The following VWA5B1 variants were observed in gnomAD, a reference collection of about 807,000 sequenced individuals.
VWA5B1 encodes the protein von Willebrand factor A domain-containing protein 5B1.
In VWA5B1, 115 loss-of-function variants were observed where a neutral mutation model predicts 118.2. The observed-to-expected ratio is 0.97, with a 90% CI of 0.84 to 1.14. The LOEUF (loss-of-function observed/expected upper bound fraction) is 1.14, where lower values mean the gene tolerates loss of function less well. Ranked by LOEUF, VWA5B1 falls within the 50% of genes most tolerant of loss-of-function variation. The pLI is 0.00. For missense variants in VWA5B1, 1,596 were observed against 1,603.8 expected, an observed-to-expected ratio of 1.00 and a Z score of 0.08; for synonymous variants, 682 against 658.4, an observed-to-expected ratio of 1.04 and a Z score of -0.55.
chr1:20,311,065 C>T (rs148959410), intron 2 of VWA5B1, among the ~76,000 whole-genome samples: 6 of 152,302 alleles, frequency 3.9e-5, no homozygotes, highest in Admixed American at 2.0e-4. Flanking sequence ...CTCCACCTCC[C>T]GGGCTCAAGA....
chr1:20,350,331 A>G lies in VWA5B1; in HGVS notation c.2953+101A>G, dbSNP rs561977880. On this transcript the variant is annotated intron_variant, in intron 19 of 21. Coordinates refer to ENST00000289815, the MANE Select transcript of VWA5B1 (RefSeq NM_001039500.3). ...GCACCGACAAAGTCCTCAGGGCTTC[A>G]TGGAGTCCTCAAAGCAGCCGTCTGC... is the stretch of plus-strand genomic sequence containing the variant. 2.2e-4 allele frequency: 289 copies of G among 1,327,822 alleles called. 4 individuals carry two copies. In the South Asian group the frequency reaches 3.2e-3, roughly 15 times the overall value. The allele number at this position is 1,327,822 out of a possible 1,614,324, so 82.3% of individuals were successfully genotyped here.
At chr1:20,307,241 T>C (rs1287635928) in intron 1 of VWA5B1, among the ~76,000 whole-genome samples, 1 of 152,196 alleles carries the variant, frequency 6.6e-6, no homozygotes, top group African/African-American at 2.4e-5. Flanking sequence ...GACCCGGAGA[T>C]GCCATGGCCT....
At chr1:20,338,380 C>T (rs935722046) in intron 14 of VWA5B1, 9 of 295,586 alleles carry the variant, frequency 3.0e-5, no homozygotes, top group South Asian at 1.6e-4. Context: ...GACAGAGTCT[C>T]GCTCTGTTGC....
chr1:20,319,481 A>C lies in VWA5B1; in HGVS notation c.941A>C (p.Lys314Thr). ...AGAACAGATTTCATTAAAGGGATGA[A>C]GAAGAAGAGCAGAGCAGAGCGGAAG... ...KGRTDFIKGM[K>T]KKSRAERKTE... The change falls in exon 7 of 22, where the codon AAG becomes ACG. Residue 314 changes from lysine (K) to threonine (T), a missense_variant. Transcript: ENST00000289815. 1 of 1,551,736 alleles carries C rather than the reference A, an allele frequency of 6.4e-7. No homozygotes were observed. The highest frequency in any genetic ancestry group is 8.7e-7 in the Non-Finnish European group (1 of 1,147,000).
intron 1 of VWA5B1, among the ~76,000 whole-genome samples, chr1:20,309,907 CTGTG>C (rs59044353): frequency 0.087 from 7,390 of 85,292 alleles, 426 homozygotes; most frequent in African/African-American, 0.16. Flanking sequence ...GATGGATTGG[CTGTG>C]TGTGTGTGTG....
chr1:20,338,061 G>A, intron 14 of VWA5B1: 1 of 685,618 alleles, frequency 1.5e-6, no homozygotes, highest in South Asian at 1.5e-5. Context: ...CACACACACT[G>A]CCCAGTTGGC....
intron 17 of VWA5B1, 88 bp from the exon 18 acceptor site, chr1:20,348,157 C>T: frequency 8.1e-7 from 1 of 1,228,500 alleles, no homozygotes; most frequent in Non-Finnish European, 1.2e-6. Context: ...AAGATTGAAG[C>T]CAGAATCATT....
intron 14 of VWA5B1, among the ~76,000 whole-genome samples, chr1:20,339,523 CAGAG>C (rs1318220680): frequency 6.6e-6 from 1 of 152,118 alleles, no homozygotes; most frequent in African/African-American, 2.4e-5. Flanking sequence ...GCCTGGGAGA[CAGAG>C]AGAGAGATCC....
Position 20,331,001 on chromosome 1 carries a change from C to T in VWA5B1, c.1572+18C>T, listed in dbSNP as rs778922227. 5.9e-5 allele frequency: 91 copies of T among 1,530,052 alleles called. No individual in the cohort carries two copies. The highest frequency in any genetic ancestry group is 1.8e-4 in the Middle Eastern group (1 of 5,712). The allele number at this position is 1,530,052 out of a possible 1,614,324, so 94.8% of individuals were successfully genotyped here. On this transcript the variant is annotated intron_variant, in intron 11 of 21. Coordinates refer to ENST00000289815, the MANE Select transcript of VWA5B1 (RefSeq NM_001039500.3). ...AACCCAAGGTAGGCAGCAGAACCCACGCAGTCCCTTCTGGTGCTGGAACCT... is the reference window on the plus strand; with the variant it reads ...AACCCAAGGTAGGCAGCAGAACCCATGCAGTCCCTTCTGGTGCTGGAACCT...
At chr1:20,325,234 C>T (rs1454202972) in intron 8 of VWA5B1, among the ~76,000 whole-genome samples, 1 of 152,194 alleles carries the variant, frequency 6.6e-6, no homozygotes, top group African/African-American at 2.4e-5. Flanking sequence ...CTAAAAAATT[C>T]TCTTCTCTGA....
chr1:20,339,621 G>A (rs1435502745), intron 14 of VWA5B1, among the ~76,000 whole-genome samples: 1 of 152,122 alleles, frequency 6.6e-6, no homozygotes, highest in Admixed American at 6.5e-5. Context: ...TTCCATAAAA[G>A]CAGTCTTTTC....
Position 20,332,827 on chromosome 1 carries a change from T to A in VWA5B1, c.1634T>A (p.Ile545Asn), listed in dbSNP as rs1233767447. 6.4e-7 allele frequency: 1 copy of A among 1,551,776 alleles called. No homozygotes were observed. Among genetic ancestry groups the A allele is most frequent in the South Asian group, 1.2e-5 (1 of 84,062 alleles). The part of the protein sequence containing the change: ...PVLSDVTVEW[I>N]FPETTEVLVS... ...CTGAGCGATGTGACTGTGGAGTGGATCTTCCCTGAGACCACTGAGGTCCTG... is the reference window on the plus strand; with the variant it reads ...CTGAGCGATGTGACTGTGGAGTGGAACTTCCCTGAGACCACTGAGGTCCTG... The change falls in exon 12 of 22, where the codon ATC becomes AAC. Residue 545 changes from isoleucine to asparagine, a missense_variant. Transcript: ENST00000289815.
rs1466011356 is a variant in VWA5B1 at position 20,350,853 on chromosome 1, C to T, written c.2954-4C>T. The T allele has an allele frequency of 1.9e-6, 3 of 1,551,806 alleles. No individual in the cohort carries two copies. Among genetic ancestry groups the T allele is most frequent in the East Asian group, 4.9e-5 (2 of 40,926 alleles). On this transcript the variant is annotated splice_polypyrimidine_tract_variant and splice_region_variant and intron_variant, in intron 19 of 21. Coordinates refer to ENST00000289815, the MANE Select transcript of VWA5B1 (RefSeq NM_001039500.3). ...CTCAACTTGGTCATTCTGTGGCTCT[C>T]CAGGTCCCCAGCGCAGCCTGGCTAC...
intron 7 of VWA5B1, among the ~76,000 whole-genome samples, chr1:20,322,943 G>A (rs1020248616): frequency 1.3e-5 from 2 of 152,168 alleles, no homozygotes; most frequent in African/African-American, 2.4e-5. Flanking sequence ...ATGAGCCAGA[G>A]AGCAGTATAC....
In VWA5B1 at chr1:20,357,011, C is replaced by A. The variant is rs907410206; in HGVS notation, c.*2748C>A. Among the ~76,000 whole-genome samples the A allele has an allele frequency of 6.6e-6, 1 of 152,230 alleles. No individual in the cohort carries two copies. Among genetic ancestry groups the A allele is most frequent in the African/African-American group, 2.4e-5 (1 of 41,452 alleles). ...TCAAGCAGGGAACACATTGCCCCTG[C>A]AATCTCATTTACTTTGGGTTAATCT... On this transcript the variant is annotated 3_prime_UTR_variant, in exon 22 of 22. Coordinates refer to ENST00000289815, the MANE Select transcript of VWA5B1 (RefSeq NM_001039500.3).
chr1:20,337,687 C>T lies in VWA5B1; in HGVS notation c.1984C>T (p.Gln662Ter). 1 of 1,551,700 alleles carries T rather than the reference C, an allele frequency of 6.4e-7. No individual in the cohort carries two copies. Among genetic ancestry groups the T allele is most frequent in the South Asian group, 1.2e-5 (1 of 84,052 alleles). ...GCGACGGAGGGCATACAGCACCAAC[C>T]AGATCACCAATCACAAGCCCCTCCC... is the stretch of plus-strand genomic sequence containing the variant. ...SQRRRAYSTN[Q>*]ITNHKPLPRA... Residue 662 changes from glutamine to a stop codon, truncating the protein, a stop_gained, in exon 14 of 22, where the codon CAG becomes TAG. Coordinates refer to ENST00000289815, the MANE Select transcript of VWA5B1 (RefSeq NM_001039500.3). LOFTEE classifies it high-confidence loss of function.
At chr1:20,346,459 A>AT (rs2090010688) in intron 17 of VWA5B1, among the ~76,000 whole-genome samples, 1 of 152,174 alleles carries the variant, frequency 6.6e-6, no homozygotes, top group Admixed American at 6.5e-5. Context: ...CCATTTGGTT[A>AT]TTGTAAATTA....
intron 1 of VWA5B1, among the ~76,000 whole-genome samples, chr1:20,294,583 A>C (rs2088369692): frequency 6.6e-6 from 1 of 152,130 alleles, no homozygotes; most frequent in Admixed American, 6.5e-5. Flanking sequence ...AGGTTCAAGC[A>C]ATTCACCTGC....
At chr1:20,308,477 G>A (rs770604587) in intron 1 of VWA5B1, among the ~76,000 whole-genome samples, 35 of 152,188 alleles carry the variant, frequency 2.3e-4, no homozygotes, top group Non-Finnish European at 4.3e-4. Context: ...CAGGATGCAG[G>A]GGGACTGGGC....
Sources: gnomAD v4.1 joint callset for allele counts (sites outside exome capture counted in the v4.1 genomes callset) on GRCh38, gnomAD v4.1.1 for gene constraint, MANE v1.5 for transcripts, NCBI Gene and HGNC (gene_info 2026-07-23, HGNC 2026-07-21) for gene names.